Variants in CCDC187 observed in about 807,000 individuals in gnomAD.
CCDC187 encodes coiled-coil domain containing 187, also known as coiled-coil domain-containing protein 187.
Under a neutral mutation model 38.0 loss-of-function variants are expected in CCDC187, and 32 were observed. The observed-to-expected ratio is 0.84, with a 90% confidence interval of 0.64 to 1.13. The LOEUF (loss-of-function observed/expected upper bound fraction) is 1.13, where lower values mean the gene tolerates loss of function less well. CCDC187 is among the 50% of genes most tolerant of loss of function. The probability of loss-of-function intolerance (pLI) is 0.00; values close to 1 mark genes in which losing one functional copy is unlikely to be tolerated. For missense variants in CCDC187, 707 were observed against 786.8 expected, an observed-to-expected ratio of 0.90 and a Z score of 1.21; for synonymous variants, 333 against 347.9, an observed-to-expected ratio of 0.96 and a Z score of 0.48.
At chr9:136,262,131 G>T (rs1019347124) in intron 19 of CCDC187, among the ~76,000 whole-genome samples, 180 bp downstream of exon 19, 3 of 152,278 alleles carry the variant, frequency 2.0e-5, no homozygotes, top group South Asian at 4.1e-4. Context: ...AGAAGGTTGA[G>T]CTGCCACCGG....
chr9:136,298,273 G>A (rs926579604), intron 3 of CCDC187, among the ~76,000 whole-genome samples: 5 of 152,198 alleles, frequency 3.3e-5, no homozygotes, highest in Non-Finnish European at 5.9e-5. Context: ...GAGTGGCAGC[G>A]GCCGGACTGA....
chr9:136,256,140 CA>C (rs1255235304), intron 24 of CCDC187, 70 bp downstream of exon 24: 41 of 819,724 alleles, frequency 5.0e-5, no homozygotes, highest in Non-Finnish European at 5.7e-5. Context: ...AGCAGGGGGA[CA>C]GGGGGTACCG....
chr9:136,289,455 G>T (rs1332939126), intron 7 of CCDC187, among the ~76,000 whole-genome samples: 3 of 147,826 alleles, frequency 2.0e-5, no homozygotes, highest in Non-Finnish European at 4.4e-5. Flanking sequence ...GGAGGTGGAG[G>T]TTGCGGTGAG....
At chr9:136,281,978 G>T (rs952138530) in intron 9 of CCDC187, among the ~76,000 whole-genome samples, 1 of 152,160 alleles carries the variant, frequency 6.6e-6, no homozygotes, top group Non-Finnish European at 1.5e-5. Flanking sequence ...AAGCGTTGGC[G>T]CCAAGCCTGG....
intron 14 of CCDC187, among the ~76,000 whole-genome samples, chr9:136,271,942 G>T (rs1213210460): frequency 6.6e-6 from 1 of 152,100 alleles, no homozygotes; most frequent in Non-Finnish European, 1.5e-5. Flanking sequence ...ACAAAGACAC[G>T]GTGATGTACT....
intron 14 of CCDC187, among the ~76,000 whole-genome samples, chr9:136,274,131 G>A (rs1830886953): frequency 6.6e-6 from 1 of 152,218 alleles, no homozygotes; most frequent in African/African-American, 2.4e-5. Context: ...TCCTGTTCCC[G>A]AAGATGCCAA....
chr9:136,285,948 C>T, intron 8 of CCDC187, 137 bp downstream of exon 8: 1 of 397,484 alleles, frequency 2.5e-6, no homozygotes, highest in Non-Finnish European at 4.4e-6. Context: ...CTGCTCAGAC[C>T]CCCTGGACTG....
At chr9:136,260,558 C>A (rs1830667454) in intron 19 of CCDC187, among the ~76,000 whole-genome samples, 1 of 151,764 alleles carries the variant, frequency 6.6e-6, no homozygotes, top group Non-Finnish European at 1.5e-5. Flanking sequence ...ACGGTGCCAC[C>A]CCAGGCCTGC....
intron 4 of CCDC187, among the ~76,000 whole-genome samples, chr9:136,295,439 AATGG>A (rs1831512611): frequency 6.6e-6 from 1 of 152,204 alleles, no homozygotes; most frequent in Non-Finnish European, 1.5e-5. Context: ...AATCTGTGGA[AATGG>A]ATGAAGTCCC....
In CCDC187 at chr9:136,256,179, C is replaced by T. The variant is rs1830610397; in HGVS notation, c.4616+32G>A. On this transcript the variant is annotated intron_variant, in intron 24 of 25. Coordinates refer to ENST00000638797, the MANE Select transcript of CCDC187 (RefSeq NM_001378188.1). ...TGAACCCGTCTCCGTGCCTCACGCT[C>T]CACCCCTGCTCCAGGGAGCTCAGCC... The T allele has an allele frequency of 3.1e-6, 3 of 977,404 alleles. No homozygotes were observed. In the Admixed American group the frequency reaches 1.8e-4, roughly 60 times the overall value. 60.5% of individuals were successfully genotyped at this position (977,404 alleles called of 1,614,324 possible).
At chr9:136,259,762 C>G (rs868927813) in intron 20 of CCDC187, among the ~76,000 whole-genome samples, 1 of 152,326 alleles carries the variant, frequency 6.6e-6, no homozygotes, top group Non-Finnish European at 1.5e-5. Flanking sequence ...TTTCTGGGAC[C>G]TGCCTGGCAA....
chr9:136,267,174 TTA>T, intron 16 of CCDC187: 1 of 158,824 alleles, frequency 6.3e-6, no homozygotes, highest in South Asian at 2.0e-4. Context: ...GGGTATTTTT[TTA>T]TTTGTGTATT....
intron 2 of CCDC187, among the ~76,000 whole-genome samples, chr9:136,301,336 A>C (rs1831676117): frequency 7.8e-6 from 1 of 127,626 alleles, no homozygotes. Context: ...CAAAAGGACA[A>C]ATTCTGTGAT....
chr9:136,304,883 G>A (rs1315323516), upstream of CCDC187, among the ~76,000 whole-genome samples: 6 of 152,208 alleles, frequency 3.9e-5, no homozygotes, highest in Admixed American at 6.5e-5. Context: ...AGGTCTGCGC[G>A]AAAGACCTCT....
At chr9:136,287,444 A>G (rs1831208410) in intron 7 of CCDC187, among the ~76,000 whole-genome samples, 1 of 152,176 alleles carries the variant, frequency 6.6e-6, no homozygotes. Context: ...GCAACTGGAC[A>G]ATGAGACGCC....
intron 4 of CCDC187, chr9:136,296,542 G>A (rs1295439067): frequency 1.3e-5 from 2 of 152,364 alleles, no homozygotes; most frequent in Non-Finnish European, 2.9e-5. Context: ...TACAAAATGG[G>A]AGCAAGACTG....
intron 10 of CCDC187, chr9:136,281,283 C>T (rs932927940): frequency 1.3e-5 from 5 of 397,510 alleles, no homozygotes; most frequent in African/African-American, 4.1e-5. Context: ...CTGGGCACAG[C>T]GGCACGGGGC....
rs927638976 is a variant in CCDC187 at position 136,291,637 on chromosome 9, C to T, written c.976G>A (p.Glu326Lys). 52 of 398,670 alleles carry T rather than the reference C, an allele frequency of 1.3e-4. No homozygotes were observed. Among genetic ancestry groups the T allele is most frequent in the Non-Finnish European group, 2.1e-4 (47 of 226,154 alleles). 24.7% of individuals were successfully genotyped at this position (398,670 alleles called of 1,614,324 possible). The change falls in exon 6 of 26, where the codon GAG becomes AAG. Residue 326 changes from glutamate to lysine, a missense_variant. Glu to Lys is a moderately conservative substitution (Grantham distance 56). Transcript: ENST00000638797. ...GAGCACTTGGCAGCTATGACTTTCT[C>T]GCTGTCTCCTGCAAAGACAGGAGTG... ...PALTVDLGDS[E>K]KVIAAKCSPV...
At chr9:136,293,980 TCACA>T (rs1280845736) in intron 4 of CCDC187, among the ~76,000 whole-genome samples, 4 of 143,166 alleles carry the variant, frequency 2.8e-5, no homozygotes, top group African/African-American at 5.3e-5. Context: ...TCACATGCTC[TCACA>T]CACACACTCA....
Sources: gnomAD v4.1 joint callset for allele counts (sites outside exome capture counted in the v4.1 genomes callset) on GRCh38, gnomAD v4.1.1 for gene constraint, MANE v1.5 for transcripts, NCBI Gene and HGNC (gene_info 2026-07-23, HGNC 2026-07-21) for gene names.